Variants in DENND4A observed in about 807,000 individuals in gnomAD.
DENND4A encodes DENN domain containing 4A, also known as C-myc promoter-binding protein.
A neutral mutation model predicts 199.3 loss-of-function variants in DENND4A; 70 were observed. That is an observed-to-expected ratio of 0.35 (90% CI 0.29 to 0.43). The LOEUF is 0.43. Among genes scored for constraint, DENND4A ranks in the 20% least tolerant of loss-of-function variants. DENND4A has a pLI of 1.00. For missense variants in DENND4A, 1,723 were observed against 2,255.8 expected (o/e 0.76, Z 4.78); for synonymous variants, 686 against 766.9 (o/e 0.89, Z 1.74).
Position 65,660,185 on chromosome 15 carries a change from T to TA in DENND4A, c.*1665dup. On this transcript the variant is annotated 3_prime_UTR_variant, in exon 33 of 33. Transcript: ENST00000443035. The stretch of plus-strand genomic sequence containing the variant: ...GTGGTATTTACAAAGGAGAGGCAGA[T>TA]ATATGTGCCTAGCACCAGATTTTTC... 2.5e-6 allele frequency: 2 copies of TA among 807,474 alleles called. No individual in the cohort carries two copies. The highest frequency in any genetic ancestry group is 4.1e-6 in the Non-Finnish European group (2 of 487,930). 50.0% of individuals were successfully genotyped at this position (807,474 alleles called of 1,614,324 possible).
intron 7 of DENND4A, among the ~76,000 whole-genome samples, chr15:65,734,415 C>A (rs1045448494): frequency 8.5e-5 from 13 of 152,158 alleles, no homozygotes; most frequent in African/African-American, 3.1e-4. Flanking sequence ...CCTGACACAT[C>A]CCCCTCTCGG....
chr15:65,690,548 G>A lies in DENND4A; in HGVS notation c.4046C>T (p.Ser1349Leu). The change falls in exon 23 of 33, where the codon TCA becomes TTA. Residue 1349 changes from serine (S) to leucine (L), a missense_variant. By Grantham distance (145) the Ser-to-Leu change is moderately radical. Around this residue, in one of 6 missense-constraint regions of DENND4A, gnomAD observed 650 missense variants for 738.1 expected, o/e 0.88. Coordinates refer to ENST00000443035, the MANE Select transcript of DENND4A (RefSeq NM_001320835.1). ...TACTAGTAGTGTATCTAAGTTAAAT[G>A]AAGGTGATGAGTGGGTTAATGTATC... The part of the protein sequence containing the change: ...SQDTLTHSSP[S>L]FNLDTLLVPK... The A allele has an allele frequency of 1.2e-6, 2 of 1,613,660 alleles. No individual in the cohort carries two copies. The highest frequency in any genetic ancestry group is 1.1e-5 in the South Asian group (1 of 91,074).
Position 65,676,485 on chromosome 15 carries a change from A to T in DENND4A, c.4329T>A (p.Asp1443Glu), listed in dbSNP as rs776176046. The T allele has an allele frequency of 1.7e-5, 27 of 1,612,238 alleles. No individual in the cohort carries two copies. Among genetic ancestry groups the T allele is most frequent in the Non-Finnish European group, 2.0e-5 (23 of 1,179,054 alleles). Residue 1443 changes from aspartate to glutamate, a missense_variant, in exon 24 of 33, where the codon GAT becomes GAA. This residue lies in a region of DENND4A where 650 missense variants were observed against 738.1 expected (regional missense o/e 0.88). Coordinates refer to ENST00000443035, the MANE Select transcript of DENND4A (RefSeq NM_001320835.1). ...AACTTTCCAGGCTTATTCGGCTGAGATCAATTCTCTTAGTCCCTGAAGTAG... is the reference window on the plus strand; with the variant it reads ...AACTTTCCAGGCTTATTCGGCTGAGTTCAATTCTCTTAGTCCCTGAAGTAG... ...TSATSGTKRI[D>E]LSRISLESSA...
chr15:65,685,341 T>C (rs1262052674), intron 23 of DENND4A, among the ~76,000 whole-genome samples: 1 of 152,186 alleles, frequency 6.6e-6, no homozygotes, highest in Non-Finnish European at 1.5e-5. Flanking sequence ...TTAGCCAGGA[T>C]GGTCTAGATC....
chr15:65,722,427 C>T (rs2075675763), intron 12 of DENND4A, among the ~76,000 whole-genome samples: 2 of 151,848 alleles, frequency 1.3e-5, no homozygotes, highest in African/African-American at 4.8e-5. Context: ...ATGTTTGTGC[C>T]ACACACTATA....
chr15:65,764,505 C>G (rs769906778), intron 1 of DENND4A, among the ~76,000 whole-genome samples: 1 of 152,032 alleles, frequency 6.6e-6, no homozygotes, highest in Non-Finnish European at 1.5e-5. Context: ...GAGGCATGTG[C>G]CTGTAATTCC....
intron 9 of DENND4A, 57 bp downstream of exon 9, chr15:65,731,585 T>C (rs1477194555): frequency 5.5e-6 from 7 of 1,279,586 alleles, no homozygotes; most frequent in Non-Finnish European, 7.6e-6. Flanking sequence ...AAAAATAAAA[T>C]ATTTGAATGT....
intron 32 of DENND4A, among the ~76,000 whole-genome samples, chr15:65,663,194 A>ATTTTTTTTTTT (rs1416860613): frequency 8.2e-6 from 1 of 121,878 alleles, no homozygotes; most frequent in African/African-American, 3.4e-5. Context: ...ATATATATAT[A>ATTTTTTTTTTT]TATATTTTTT....
intron 1 of DENND4A, chr15:65,771,301 TTG>T (rs2077118511): frequency 1.9e-6 from 3 of 1,589,628 alleles, no homozygotes; most frequent in Non-Finnish European, 1.7e-6. Flanking sequence ...CTGTTTTTTG[TTG>T]TCTTTCTTTC....
At chr15:65,742,215 T>C (rs1009192043) in intron 4 of DENND4A, among the ~76,000 whole-genome samples, 8 of 152,230 alleles carry the variant, frequency 5.3e-5, no homozygotes, top group African/African-American at 1.9e-4. Flanking sequence ...CACTTCCTTA[T>C]TTCCTACTTT....
At chr15:65,788,817 T>C (rs1209464173) in intron 1 of DENND4A, among the ~76,000 whole-genome samples, 1 of 137,596 alleles carries the variant, frequency 7.3e-6, no homozygotes, top group Non-Finnish European at 1.5e-5. Flanking sequence ...ATCACGCCAC[T>C]GCACCCCAGC....
At chr15:65,677,833 T>C (rs901198095) in intron 23 of DENND4A, among the ~76,000 whole-genome samples, 1 of 152,200 alleles carries the variant, frequency 6.6e-6, no homozygotes, top group Non-Finnish European at 1.5e-5. Flanking sequence ...CACTGGTCCA[T>C]TTATCTGTTT....
At position 65,737,852 on chromosome 15, in the gene DENND4A, C is replaced by T; in HGVS notation, c.895G>A (p.Gly299Arg). 1.2e-6 allele frequency: 2 copies of T among 1,604,728 alleles called. No homozygotes were observed. The highest frequency in any genetic ancestry group is 1.7e-6 in the Non-Finnish European group (2 of 1,175,186). The change falls in exon 7 of 33, where the codon GGG becomes AGG. Residue 299 changes from glycine to arginine, a missense_variant. By Grantham distance (125) the Gly-to-Arg change is moderately radical (BLOSUM62 -2). This residue lies in a region of DENND4A where 725 missense variants were observed against 952.9 expected (regional missense o/e 0.76). Coordinates refer to ENST00000443035, the MANE Select transcript of DENND4A (RefSeq NM_001320835.1). ...ATTGTTTTGGAACTATCAGACTTCC[C>T]ATCTGCTGATGTTAAACCCAAAAGA... ...RLLLGLTSAD[G>R]KSDSSKTIHT...
intron 13 of DENND4A, among the ~76,000 whole-genome samples, chr15:65,716,448 A>C (rs1336885007): frequency 1.8e-4 from 23 of 125,574 alleles, no homozygotes; most frequent in Admixed American, 3.1e-4. Context: ...TCCTGTGTCC[A>C]TGTGTTCTCA....
intron 32 of DENND4A, among the ~76,000 whole-genome samples, chr15:65,663,976 G>A (rs1262538895): frequency 6.6e-6 from 1 of 152,048 alleles, no homozygotes; most frequent in Non-Finnish European, 1.5e-5. Context: ...AATTTTTCCT[G>A]ACTAGTCCTT....
At chr15:65,698,586 A>T (rs1267272315) in intron 20 of DENND4A, among the ~76,000 whole-genome samples, 2 of 152,090 alleles carry the variant, frequency 1.3e-5, no homozygotes, top group African/African-American at 4.8e-5. Context: ...TCACTTTAAT[A>T]TCGTTGTTAT....
chr15:65,748,798 G>C lies in DENND4A; in HGVS notation c.561+3581C>G, dbSNP rs894057966. 2.1e-4 allele frequency among the ~76,000 whole-genome samples: 32 copies of C among 151,742 alleles called. 3 individuals are homozygous for C. The highest frequency in any genetic ancestry group is 1.4e-3 in the Admixed American group (22 of 15,236). The stretch of plus-strand genomic sequence containing the variant: ...CTCAGGAGTTCAAGACGAGCCGGGG[G>C]TATGTAGGGAAACCTCAATTCTACA... On this transcript the variant is annotated intron_variant, in intron 4 of 32. Coordinates refer to ENST00000443035, the MANE Select transcript of DENND4A (RefSeq NM_001320835.1).
intron 1 of DENND4A, among the ~76,000 whole-genome samples, chr15:65,784,692 A>G (rs933693640): frequency 2.6e-5 from 4 of 152,188 alleles, no homozygotes; most frequent in Admixed American, 2.0e-4. Flanking sequence ...TGAACCATTT[A>G]TAATACTGTA....
intron 1 of DENND4A, among the ~76,000 whole-genome samples, chr15:65,785,549 G>A (rs1328968456): frequency 1.3e-5 from 2 of 148,822 alleles, no homozygotes; most frequent in African/African-American, 2.5e-5. Context: ...TTTTGTACGA[G>A]ACATTTTTAT....
Sources: gnomAD v4.1 joint callset for allele counts (sites outside exome capture counted in the v4.1 genomes callset) on GRCh38, gnomAD v4.1.1 for gene constraint, gnomAD v4.1.1 regional missense constraint, MANE v1.5 for transcripts, NCBI Gene and HGNC (gene_info 2026-07-23, HGNC 2026-07-21) for gene names.